TXNDC11: variants seen among roughly 807,000 people sequenced by gnomAD.
TXNDC11 encodes the protein thioredoxin domain-containing protein 11.
In TXNDC11, 68 loss-of-function variants were observed where a neutral mutation model predicts 78.0. That is an observed-to-expected ratio of 0.87 (90% CI 0.72 to 1.07). TXNDC11 has a LOEUF of 1.07. TXNDC11 is among the 50% of genes least tolerant of loss of function. The pLI, the probability that TXNDC11 is intolerant of heterozygous loss-of-function variation, is 0.00. For synonymous variants in TXNDC11, 571 were observed against 495.2 expected, an observed-to-expected ratio of 1.15 and a Z score of -2.03; for missense variants, 1,389 against 1,221.8, an observed-to-expected ratio of 1.14 and a Z score of -2.04.
intron 11 of TXNDC11, among the ~76,000 whole-genome samples, chr16:11,681,290 G>T (rs1302199280): frequency 6.6e-6 from 1 of 152,248 alleles, no homozygotes; most frequent in African/African-American, 2.4e-5. Flanking sequence ...CACAAGCCTG[G>T]TCTTGTAAGG....
chr16:11,735,787 T>C (rs756590411), intron 2 of TXNDC11, among the ~76,000 whole-genome samples: 18 of 152,238 alleles, frequency 1.2e-4, no homozygotes, highest in East Asian at 1.9e-4. Context: ...AGGATAAGCA[T>C]TGGCTTGTGT....
In TXNDC11 at chr16:11,736,199, G is replaced by C; in HGVS notation, c.289C>G (p.Pro97Ala). 4 of 1,613,530 alleles carry C rather than the reference G, an allele frequency of 2.5e-6. No individual in the cohort carries two copies. The highest frequency in any genetic ancestry group is 3.4e-6 in the Non-Finnish European group (4 of 1,179,688). ...GACCTCAAGGAGAAAAAGCTGACAG[G>C]TGGCTTTGCTGGTATTATCACATCT... ...AKDVIIPAKP[P>A]VSFFSLRSPV... The change falls in exon 2 of 12, where the codon CCT becomes GCT. Residue 97 changes from proline to alanine, a missense_variant. Physicochemically the swap from Pro to Ala is conservative, Grantham distance 27. Coordinates refer to ENST00000283033, the MANE Select transcript of TXNDC11 (RefSeq NM_015914.7).
Position 11,679,281 on chromosome 16 carries a change from G to T in TXNDC11, c.2791C>A (p.Pro931Thr). Residue 931 changes from proline to threonine, a missense_variant, in exon 12 of 12, where the codon CCC becomes ACC. Physicochemically the swap from Pro to Thr is conservative, Grantham distance 38 (BLOSUM62 -1). Transcript: ENST00000283033. This position sits in a 1 kb window ranked among gnomAD's most constrained non-coding sequence, Gnocchi z 4.6. ...GGAGGGGAGCTGCCAGGGAGCTGGGGGGTGGCTGAGGGCTCAGGCTGCTTG... is the reference window on the plus strand; with the variant it reads ...GGAGGGGAGCTGCCAGGGAGCTGGGTGGTGGCTGAGGGCTCAGGCTGCTTG... ...HPKQPEPSAT[P>T]QLPGSSPPPA... The T allele has an allele frequency of 6.2e-7, 1 of 1,612,922 alleles. No individual in the cohort carries two copies. The highest frequency in any genetic ancestry group is 1.3e-5 in the African/African-American group (1 of 75,040).
intron 4 of TXNDC11, among the ~76,000 whole-genome samples, chr16:11,725,692 G>A (rs958792189): frequency 6.6e-6 from 1 of 152,182 alleles, no homozygotes; most frequent in African/African-American, 2.4e-5. Context: ...ATAAGCACTT[G>A]AAAACTGAAG....
chr16:11,739,350 G>A (rs565595099), intron 1 of TXNDC11, among the ~76,000 whole-genome samples: 1 of 152,248 alleles, frequency 6.6e-6, no homozygotes, highest in Non-Finnish European at 1.5e-5. Flanking sequence ...CAAAAAACTC[G>A]AGTTGGTTGC....
At chr16:11,719,242 T>C (rs986551010) in intron 5 of TXNDC11, among the ~76,000 whole-genome samples, 1 of 152,228 alleles carries the variant, frequency 6.6e-6, no homozygotes, top group African/African-American at 2.4e-5. Context: ...TTATATAGTC[T>C]TCATTAAGGT....
intron 10 of TXNDC11, among the ~76,000 whole-genome samples, 197 bp from the exon 11 acceptor site, chr16:11,684,442 C>T (rs1369740915): frequency 2.0e-5 from 3 of 152,158 alleles, no homozygotes; most frequent in South Asian, 4.1e-4. Flanking sequence ...ACTACGTGGA[C>T]GCTTTCCACT....
chr16:11,723,268 A>AT (rs2051766610), intron 4 of TXNDC11, among the ~76,000 whole-genome samples: 1 of 149,230 alleles, frequency 6.7e-6, no homozygotes, highest in Non-Finnish European at 1.5e-5. Context: ...TCAAAAAAAA[A>AT]GAAAAAAAAG....
chr16:11,729,113 C>G (rs1597487613), intron 4 of TXNDC11, among the ~76,000 whole-genome samples: 1 of 152,214 alleles, frequency 6.6e-6, no homozygotes, highest in Non-Finnish European at 1.5e-5. Context: ...CTGGCTGTAA[C>G]CCACTGAAGA....
Position 11,728,938 on chromosome 16 carries a change from T to C in TXNDC11, c.699+1707A>G, listed in dbSNP as rs78240489. Among the ~76,000 whole-genome samples, 57 of 150,896 alleles carry C rather than the reference T, an allele frequency of 3.8e-4. 4 individuals carry two copies. In the East Asian group the frequency reaches 0.01, roughly 27 times the overall value. ...ATCACTTGAACCTGAGAGATGGAGA[T>C]TGCAGCGAGCCAAGATCATGCCACT... On this transcript the variant is annotated intron_variant, in intron 4 of 11. Coordinates refer to ENST00000283033, the MANE Select transcript of TXNDC11 (RefSeq NM_015914.7).
At chr16:11,727,952 A>C (rs2051933067) in intron 4 of TXNDC11, among the ~76,000 whole-genome samples, 1 of 152,144 alleles carries the variant, frequency 6.6e-6, no homozygotes, top group Admixed American at 6.6e-5. Context: ...AAAGGGTGCT[A>C]CCAACATCTA....
chr16:11,699,912 G>C (rs1307026943), intron 6 of TXNDC11, among the ~76,000 whole-genome samples: 1 of 152,232 alleles, frequency 6.6e-6, no homozygotes, highest in African/African-American at 2.4e-5. Context: ...GCTGAGTTCA[G>C]GCTGCTCCAC....
At chr16:11,740,076 C>T (rs887025951) in intron 1 of TXNDC11, among the ~76,000 whole-genome samples, 1 of 151,120 alleles carries the variant, frequency 6.6e-6, no homozygotes, top group Non-Finnish European at 1.5e-5. Flanking sequence ...ACCTGTAATC[C>T]CAGCTACTCA....
In TXNDC11 at chr16:11,700,549, A is replaced by G. The variant is rs767253028; in HGVS notation, c.809T>C (p.Val270Ala). 3.1e-6 allele frequency: 5 copies of G among 1,594,966 alleles called. No individual in the cohort carries two copies. In the East Asian group the frequency reaches 6.7e-5, roughly 21 times the overall value. ...HSLKKDYLGT[V>A]RFGVITNKHL... ...TTTATTTGTGATAACCCCAAATCGT[A>G]CTGTTCCTAGGTAATCTGAAACAGA... The change falls in exon 6 of 12, where the codon GTA becomes GCA. Residue 270 changes from valine to alanine, a missense_variant. Val to Ala is a moderately conservative substitution (Grantham distance 64, BLOSUM62 0). Transcript: ENST00000283033.
chr16:11,721,658 C>A lies in TXNDC11; in HGVS notation c.712G>T (p.Gly238Trp). Residue 238 changes from glycine (G) to tryptophan (W), a missense_variant, in exon 5 of 12, where the codon GGG becomes TGG. Gly to Trp is a radical substitution (Grantham distance 184). Coordinates refer to ENST00000283033, the MANE Select transcript of TXNDC11 (RefSeq NM_015914.7). Reference sequence around the variant, plus strand: ...GGTGAGCCACTGAACTCAAAGTACCCGAGTACTCCAGGCTGCAGGAAAAAG... The same window carrying A: ...GGTGAGCCACTGAACTCAAAGTACCAGAGTACTCCAGGCTGCAGGAAAAAG... ...FLSNYEPGVL[G>W]YFEFSGSPQP... 1 of 1,609,676 alleles carries A rather than the reference C, an allele frequency of 6.2e-7. No homozygotes were observed. The highest frequency in any genetic ancestry group is 8.5e-7 in the Non-Finnish European group (1 of 1,176,932).
chr16:11,716,048 T>A (rs2051517520), intron 5 of TXNDC11, among the ~76,000 whole-genome samples: 1 of 152,248 alleles, frequency 6.6e-6, no homozygotes, highest in Non-Finnish European at 1.5e-5. Context: ...TTTATATACT[T>A]ACCTCTACCC....
At chr16:11,710,856 C>T (rs1419460019) in intron 5 of TXNDC11, among the ~76,000 whole-genome samples, 1 of 152,108 alleles carries the variant, frequency 6.6e-6, no homozygotes, top group Non-Finnish European at 1.5e-5. Flanking sequence ...GACTTCAGGA[C>T]TCATTGGCCC....
intron 11 of TXNDC11, among the ~76,000 whole-genome samples, chr16:11,681,686 G>GC (rs1233531096): frequency 6.6e-6 from 1 of 152,072 alleles, no homozygotes; most frequent in Non-Finnish European, 1.5e-5. Flanking sequence ...CATCACCCTG[G>GC]CCCAGGGCCA....
chr16:11,697,178 G>T (rs898164812), intron 7 of TXNDC11, among the ~76,000 whole-genome samples: 12 of 152,202 alleles, frequency 7.9e-5, no homozygotes, highest in African/African-American at 2.2e-4. Context: ...CATTCATTCA[G>T]AATACTCCCC....
Sources: allele counts gnomAD v4.1 joint callset (sites outside exome capture counted in the v4.1 genomes callset), GRCh38; gene constraint gnomAD v4.1.1; non-coding constraint Gnocchi (gnomAD v3.1); transcripts MANE v1.5; gene names NCBI Gene and HGNC (gene_info 2026-07-23, HGNC 2026-07-21).